The following PCCB variants were observed in gnomAD, a reference collection of about 807,000 sequenced individuals.
PCCB encodes the protein propionyl-CoA carboxylase subunit beta.
PCCB carries 43 observed loss-of-function variants against 60.7 expected under a neutral mutation model. The observed-to-expected ratio is 0.71, with a 90% CI of 0.55 to 0.91. The LOEUF is 0.91. PCCB is among the 40% of genes least tolerant of loss of function. PCCB has a pLI of 0.00. For missense variants in PCCB, 766 were observed against 702.8 expected (o/e 1.09, Z -1.02); for synonymous variants, 276 against 255.9 (o/e 1.08, Z -0.75).
chr3:136,327,852 A>G, intron 13 of PCCB, 120 bp downstream of exon 13: 1 of 791,244 alleles, frequency 1.3e-6, no homozygotes, highest in East Asian at 2.5e-5. Flanking sequence ...GCCAGGACTG[A>G]GGTGAATGGG....
chr3:136,312,901 T>G (rs148371074), intron 9 of PCCB, among the ~76,000 whole-genome samples: 1 of 152,268 alleles, frequency 6.6e-6, no homozygotes, highest in East Asian at 1.9e-4. Context: ...GCTGAGGGAT[T>G]AACAACCAAA....
intron 2 of PCCB, 28 bp downstream of exon 2, chr3:136,256,003 CT>C (rs1387580315): frequency 6.2e-7 from 1 of 1,614,046 alleles, no homozygotes; most frequent in Non-Finnish European, 8.5e-7. Flanking sequence ...GGTGTGAACA[CT>C]TTTTAGGTGT....
rs780898837 is a variant in PCCB, at chr3:136,262,007, G to A, written c.485G>A (p.Gly162Glu). Residue 162 changes from glycine (G) to glutamate (E), a missense_variant, in exon 5 of 15, where the codon GGG (glycine) becomes GAG (glutamate). By Grantham distance (98) the Gly-to-Glu change is moderately conservative. Coordinates refer to ENST00000251654, the MANE Select transcript of PCCB (RefSeq NM_000532.5). ...CCAGTGATTGGGCTGAATGACTCTG[G>A]GGGAGCACGGATCCAAGAAGGAGTG... ...GAPVIGLNDS[G>E]GARIQEGVES... 6.4e-7 allele frequency: 1 copy of A among 1,562,024 alleles called. No individual in the cohort carries two copies. Among genetic ancestry groups the A allele is most frequent in the Non-Finnish European group, 8.7e-7 (1 of 1,151,910 alleles).
At chr3:136,297,847 C>T (rs1576337744) in intron 7 of PCCB, 105 bp from the exon 8 acceptor site, 14 of 1,243,362 alleles carry the variant, frequency 1.1e-5, no homozygotes, top group East Asian at 2.3e-5. Flanking sequence ...GCTATCAGCA[C>T]GGTCTGCTAC....
At chr3:136,316,840 C>G in intron 9 of PCCB, 101 bp from the exon 10 acceptor site, 1 of 1,396,334 alleles carries the variant, frequency 7.2e-7, no homozygotes, top group African/African-American at 1.4e-5. Flanking sequence ...CTGTCTACCT[C>G]TACCTCTGTA....
chr3:136,256,851 G>A (rs1481482275), intron 3 of PCCB, among the ~76,000 whole-genome samples: 1 of 152,156 alleles, frequency 6.6e-6, no homozygotes, highest in African/African-American at 2.4e-5. Context: ...TTGTACAAAG[G>A]TATCCCAAGA....
intron 8 of PCCB, among the ~76,000 whole-genome samples, chr3:136,299,571 C>T (rs1175810835): frequency 6.9e-5 from 5 of 72,394 alleles, no homozygotes; most frequent in African/African-American, 1.5e-4. Context: ...TATGTATATG[C>T]ATGTGTATGT....
chr3:136,317,507 A>G (rs1357509312), intron 10 of PCCB, among the ~76,000 whole-genome samples: 2 of 151,932 alleles, frequency 1.3e-5, no homozygotes, highest in Non-Finnish European at 2.9e-5. Context: ...GGGATTACAG[A>G]CATGAGACAC....
chr3:136,286,847 A>G (rs905452651), intron 6 of PCCB, among the ~76,000 whole-genome samples: 1 of 151,980 alleles, frequency 6.6e-6, no homozygotes, highest in Non-Finnish European at 1.5e-5. Flanking sequence ...CATGGCCAAC[A>G]TGATGAAACC....
chr3:136,268,087 G>GATATAGATAT (rs1313121628), intron 5 of PCCB, among the ~76,000 whole-genome samples: 106 of 93,768 alleles, frequency 1.1e-3, no homozygotes, highest in African/African-American at 4.6e-3. Flanking sequence ...TGTGTGTGTA[G>GATATAGATAT]ATATATATAT....
intron 14 of PCCB, among the ~76,000 whole-genome samples, chr3:136,329,171 T>C (rs1057110645): frequency 5.9e-5 from 9 of 152,248 alleles, no homozygotes; most frequent in African/African-American, 2.2e-4. Context: ...CCACTGCTTA[T>C]GGTTCTGTGG....
At chr3:136,269,817 C>T (rs950120131) in intron 5 of PCCB, among the ~76,000 whole-genome samples, 23 of 144,314 alleles carry the variant, frequency 1.6e-4, no homozygotes, top group East Asian at 1.5e-3. Flanking sequence ...ACCCGGGAGG[C>T]GGAGCCTGTA....
At chr3:136,277,315 C>T (rs1576321598) in intron 5 of PCCB, among the ~76,000 whole-genome samples, 2 of 152,186 alleles carry the variant, frequency 1.3e-5, no homozygotes, top group Non-Finnish European at 1.5e-5. Flanking sequence ...CAGTGTTATT[C>T]TACCTAGAGA....
chr3:136,287,722 C>CTAT (rs1483001251), intron 6 of PCCB, among the ~76,000 whole-genome samples: 6 of 152,210 alleles, frequency 3.9e-5, no homozygotes, highest in Admixed American at 6.5e-5. Context: ...AGGCATGAGC[C>CTAT]ACTGCGCCCA....
At chr3:136,280,222 G>A (rs544826338) in intron 5 of PCCB, among the ~76,000 whole-genome samples, 58 of 152,254 alleles carry the variant, frequency 3.8e-4, no homozygotes, top group African/African-American at 1.3e-3. Flanking sequence ...CTTGTATGGC[G>A]TGTCTATTGC....
At position 136,317,081 on chromosome 3, in the gene PCCB, A is replaced by AT. The variant is rs1560028515; in HGVS notation, c.1090+18dup. 1 of 1,614,070 alleles carries AT rather than the reference A, an allele frequency of 6.2e-7. No individual in the cohort carries two copies. The highest frequency in any genetic ancestry group is 8.5e-7 in the Non-Finnish European group (1 of 1,179,992). On this transcript the variant is annotated intron_variant, in intron 10 of 14. Coordinates refer to ENST00000251654, the MANE Select transcript of PCCB (RefSeq NM_000532.5). ...TGGCCTCAGGTAGGATGGAGCTCTT[A>AT]TAAGCCTTGGTTTTGGGGTTGGAGG...
chr3:136,279,344 T>C (rs1942412753), intron 5 of PCCB, among the ~76,000 whole-genome samples: 2 of 152,234 alleles, frequency 1.3e-5, no homozygotes, highest in African/African-American at 2.4e-5. Context: ...TGTATGTGTT[T>C]TGGTTTTTTA....
intron 3 of PCCB, 123 bp downstream of exon 3, chr3:136,256,746 GC>G (rs1344381190): frequency 1.3e-6 from 1 of 756,276 alleles, no homozygotes; most frequent in African/African-American, 1.7e-5. Context: ...TGAGGGATTT[GC>G]TTTGCTTTTC....
intron 5 of PCCB, among the ~76,000 whole-genome samples, chr3:136,264,301 C>T (rs1388037533): frequency 2.6e-5 from 4 of 151,636 alleles, no homozygotes; most frequent in African/African-American, 7.3e-5. Context: ...AATTTAACAT[C>T]GATTCATCGA....
Sources: gnomAD v4.1 joint callset for allele counts (sites outside exome capture counted in the v4.1 genomes callset) on GRCh38, gnomAD v4.1.1 for gene constraint, MANE v1.5 for transcripts, NCBI Gene and HGNC (gene_info 2026-07-23, HGNC 2026-07-21) for gene names.